Variants in SNX13 observed in about 807,000 individuals in gnomAD.
SNX13 encodes the protein sorting nexin-13.
A neutral mutation model predicts 133.6 loss-of-function variants in SNX13; 45 were observed. That is an observed-to-expected ratio of 0.34 (90% CI 0.27 to 0.43). SNX13 has a LOEUF of 0.43. Among genes scored for constraint, SNX13 ranks in the 20% least tolerant of loss-of-function variants. The pLI is 1.00. For missense variants in SNX13, 1,032 were observed against 1,145.1 expected, an observed-to-expected ratio of 0.90 and a Z score of 1.43; for synonymous variants, 414 against 373.9, an observed-to-expected ratio of 1.11 and a Z score of -1.24.
At chr7:17,914,205 G>A (rs76465634) in intron 1 of SNX13, among the ~76,000 whole-genome samples, 1 of 144,014 alleles carries the variant, frequency 6.9e-6, no homozygotes, top group East Asian at 2.0e-4. Flanking sequence ...GGAAATGGGA[G>A]AAAAAAAAAA....
intron 16 of SNX13, among the ~76,000 whole-genome samples, chr7:17,827,779 A>C (rs1177883280): frequency 6.6e-6 from 1 of 151,866 alleles, no homozygotes; most frequent in African/African-American, 2.4e-5. Context: ...TGGAAAAAAA[A>C]AGGAGTGCAT....
chr7:17,804,812 G>A (rs1201325433), intron 20 of SNX13, among the ~76,000 whole-genome samples: 4 of 151,748 alleles, frequency 2.6e-5, no homozygotes, highest in Admixed American at 6.6e-5. Flanking sequence ...ACAAAAAAAT[G>A]AATAACAGTA....
chr7:17,937,198 T>C (rs1802188177), intron 1 of SNX13, among the ~76,000 whole-genome samples: 3 of 152,114 alleles, frequency 2.0e-5, no homozygotes, highest in African/African-American at 7.2e-5. Flanking sequence ...ATATGGGAGC[T>C]ATACTTTCAA....
chr7:17,882,419 C>T (rs1307037338), intron 5 of SNX13: 1 of 152,012 alleles, frequency 6.6e-6, no homozygotes, highest in African/African-American at 2.4e-5. Flanking sequence ...TTCATTGATA[C>T]AAGGGTTTTA....
intron 5 of SNX13, among the ~76,000 whole-genome samples, chr7:17,883,098 T>A (rs886744732): frequency 2.0e-5 from 3 of 152,162 alleles, no homozygotes; most frequent in African/African-American, 7.2e-5. Context: ...TGCAGTTTTA[T>A]ATGACTGTAT....
intron 11 of SNX13, 106 bp from the exon 12 acceptor site, chr7:17,845,800 G>T (rs975671515): frequency 2.8e-6 from 2 of 705,434 alleles, no homozygotes; most frequent in Admixed American, 3.6e-5. Context: ...GAGTAAAGAT[G>T]AAGTTTTTCC....
At chr7:17,841,587 C>T (rs1422027970) in intron 12 of SNX13, among the ~76,000 whole-genome samples, 1 of 150,398 alleles carries the variant, frequency 6.6e-6, no homozygotes, top group African/African-American at 2.5e-5. Flanking sequence ...CACACACGCA[C>T]ACACACCCCA....
In SNX13 at chr7:17,840,019, T is replaced by A; in HGVS notation, c.1166-19A>T. On this transcript the variant is annotated intron_variant, in intron 12 of 25. Transcript: ENST00000428135. ...ATGTAATCTAGCAATCAAAAATCCA[T>A]AATAACATAAATATTAGTGTCACAC... The A allele has an allele frequency of 6.3e-7, 1 of 1,597,962 alleles. No individual in the cohort carries two copies. The highest frequency in any genetic ancestry group is 1.1e-5 in the South Asian group (1 of 89,296).
intron 9 of SNX13, among the ~76,000 whole-genome samples, chr7:17,865,803 G>A (rs117747178): frequency 1.3e-5 from 2 of 152,098 alleles, no homozygotes; most frequent in Non-Finnish European, 2.9e-5. Flanking sequence ...ATAAACCAAT[G>A]GAACAGAATA....
intron 1 of SNX13, among the ~76,000 whole-genome samples, chr7:17,904,328 A>G (rs1241760001): frequency 6.6e-6 from 1 of 152,180 alleles, no homozygotes; most frequent in Non-Finnish European, 1.5e-5. Context: ...TTGTGACATC[A>G]TCTCTCAAGT....
At chr7:17,875,948 A>G (rs1794682638) in intron 5 of SNX13, among the ~76,000 whole-genome samples, 158 bp from the exon 6 acceptor site, 1 of 152,238 alleles carries the variant, frequency 6.6e-6, no homozygotes, top group African/African-American at 2.4e-5. Context: ...GTTTCACAAG[A>G]TTCAAAGTAA....
At chr7:17,926,749 G>A (rs1379906453) in intron 1 of SNX13, among the ~76,000 whole-genome samples, 2 of 152,240 alleles carry the variant, frequency 1.3e-5, no homozygotes, top group East Asian at 3.9e-4. Flanking sequence ...AGCTGGGCAT[G>A]GTGGCACGTG....
chr7:17,864,057 C>A (rs916485867), intron 9 of SNX13, among the ~76,000 whole-genome samples: 1 of 152,130 alleles, frequency 6.6e-6, no homozygotes. Flanking sequence ...GCCTTCTCAA[C>A]AAGGATGGTA....
chr7:17,889,367 C>G (rs1343464483), intron 5 of SNX13: 1 of 152,122 alleles, frequency 6.6e-6, no homozygotes, highest in African/African-American at 2.4e-5. Context: ...AATGCCCTTC[C>G]TCTAGCCAAC....
At chr7:17,863,627 A>G (rs953525768) in intron 9 of SNX13, among the ~76,000 whole-genome samples, 1 of 152,176 alleles carries the variant, frequency 6.6e-6, no homozygotes, top group Non-Finnish European at 1.5e-5. Flanking sequence ...AGAATTCACA[A>G]TCTGCTGACT....
intron 5 of SNX13, 34 bp downstream of exon 5, chr7:17,890,329 A>C: frequency 6.3e-7 from 1 of 1,590,986 alleles, no homozygotes; most frequent in South Asian, 1.2e-5. Context: ...ATACATCTAA[A>C]TTTTTCTGCA....
chr7:17,876,666 C>T (rs1794765575), intron 5 of SNX13, among the ~76,000 whole-genome samples: 1 of 151,350 alleles, frequency 6.6e-6, no homozygotes, highest in South Asian at 2.1e-4. Flanking sequence ...ATATAAAAGC[C>T]TTTAGAATAC....
intron 20 of SNX13, among the ~76,000 whole-genome samples, chr7:17,810,692 C>A (rs1785902365): frequency 6.6e-6 from 1 of 152,070 alleles, no homozygotes; most frequent in African/African-American, 2.4e-5. Context: ...GTCAGAGACA[C>A]AACAAAAAAA....
chr7:17,936,974 A>T (rs941671087), intron 1 of SNX13, among the ~76,000 whole-genome samples: 4 of 151,108 alleles, frequency 2.6e-5, no homozygotes, highest in Non-Finnish European at 4.4e-5. Context: ...AGGAGCAAGG[A>T]CAACAGAAGG....
Sources: allele counts gnomAD v4.1 joint callset (sites outside exome capture counted in the v4.1 genomes callset), GRCh38; gene constraint gnomAD v4.1.1; transcripts MANE v1.5; gene names NCBI Gene and HGNC (gene_info 2026-07-23, HGNC 2026-07-21).